Variants in MED13L observed in about 807,000 individuals in gnomAD.
The protein encoded by MED13L is mediator complex subunit 13L.
A neutral mutation model predicts 220.9 loss-of-function variants in MED13L; 7 were observed. The ratio of observed to expected loss-of-function variants is 0.03; its 90% CI spans 0.02 to 0.06. The LOEUF (loss-of-function observed/expected upper bound fraction) is 0.06. Ranked by LOEUF, MED13L falls within the 10% of genes least tolerant of loss-of-function variation. MED13L has a pLI of 1.00. For synonymous variants in MED13L, 1,011 were observed against 1,015.2 expected (o/e 1.00, Z 0.08); for missense variants, 1,965 against 2,760.5 (o/e 0.71, Z 6.46).
chr12:116,175,855 A>G (rs867353109), intron 2 of MED13L, among the ~76,000 whole-genome samples: 2 of 152,232 alleles, frequency 1.3e-5, no homozygotes, highest in African/African-American at 4.8e-5. Flanking sequence ...TAATAATAAT[A>G]GGAGGGTCAT....
intron 1 of MED13L, among the ~76,000 whole-genome samples, chr12:116,268,584 GA>G (rs773753458): frequency 6.0e-5 from 9 of 150,686 alleles, no homozygotes; most frequent in Non-Finnish European, 1.0e-4. Flanking sequence ...CCAGGAGTTT[GA>G]AACCGCCTGA....
At chr12:116,006,268 G>T (rs764482692) in intron 12 of MED13L, 38 bp downstream of exon 12, 18 of 1,557,480 alleles carry the variant, frequency 1.2e-5, no homozygotes, top group Non-Finnish European at 1.5e-5. Context: ...TTTCATTTTA[G>T]CAACAATCCA....
chr12:116,240,734 T>G (rs1593199523), intron 1 of MED13L, among the ~76,000 whole-genome samples: 3 of 145,994 alleles, frequency 2.1e-5, no homozygotes, highest in East Asian at 2.1e-4. Context: ...GACGGGGGGG[T>G]TTCACTGTGG....
At position 116,197,920 on chromosome 12, in the gene MED13L, G is replaced by A. The variant is rs563114160; in HGVS notation, c.310+39548C>T. Among the ~76,000 whole-genome samples the A allele has an allele frequency of 3.3e-5, 5 of 152,050 alleles. No homozygotes were observed. In the South Asian group the frequency reaches 1.0e-3, roughly 32 times the overall value. On this transcript the variant is annotated intron_variant, in intron 2 of 30. Coordinates refer to ENST00000281928, the MANE Select transcript of MED13L (RefSeq NM_015335.5). ...CACCCAGCAATCCATTTCTTTTGTA[G>A]AAAGCCAAAAGAATTTTAACATGTT... is the stretch of plus-strand genomic sequence containing the variant.
chr12:116,247,226 T>C (rs1871176454), intron 1 of MED13L, among the ~76,000 whole-genome samples: 1 of 150,726 alleles, frequency 6.6e-6, no homozygotes, highest in African/African-American at 2.4e-5. Flanking sequence ...TAAGAGTATA[T>C]AGCTCTGCTT....
chr12:116,212,109 A>G (rs753056902), intron 2 of MED13L, among the ~76,000 whole-genome samples: 1 of 152,166 alleles, frequency 6.6e-6, no homozygotes, highest in Non-Finnish European at 1.5e-5. Context: ...GAAAACTGCA[A>G]AAGTGAAATA....
chr12:116,161,598 C>A (rs1357630697), intron 2 of MED13L, among the ~76,000 whole-genome samples: 1 of 152,082 alleles, frequency 6.6e-6, no homozygotes, highest in Admixed American at 6.6e-5. Flanking sequence ...TCAAAGTGAG[C>A]CCACAAGCTA....
At chr12:115,965,950 G>A in intron 29 of MED13L, 132 bp downstream of exon 29, 1 of 1,157,594 alleles carries the variant, frequency 8.6e-7, no homozygotes, top group Admixed American at 1.9e-5. Context: ...TTTCCTCAGA[G>A]TATAAGTAGA....
At chr12:115,965,625 T>C (rs1389263825) in intron 29 of MED13L, among the ~76,000 whole-genome samples, 4 of 152,172 alleles carry the variant, frequency 2.6e-5, no homozygotes, top group African/African-American at 9.7e-5. Context: ...TTCCAAGAAA[T>C]ATAAAGGAAG....
chr12:115,980,938 T>C lies in MED13L; in HGVS notation c.5176A>G (p.Ile1726Val), dbSNP rs140835810. The C allele has an allele frequency of 4.3e-6, 7 of 1,609,334 alleles. No homozygotes were observed. Among genetic ancestry groups the C allele is most frequent in the East Asian group, 4.5e-5 (2 of 44,798 alleles). Residue 1726 changes from isoleucine to valine, a missense_variant and splice_region_variant, in exon 23 of 31, where the codon ATT (isoleucine) becomes GTT (valine). Transcript: ENST00000281928. ...EHMRNSFILQ[I>V]VPCQYMLQTM... ...TGCAGCATGTACTGGCAAGGCACAA[T>C]CTAAAGACACAAATACAAAAAAAAA...
chr12:115,987,414 A>AT, intron 17 of MED13L, 126 bp from the exon 18 acceptor site: 1 of 876,320 alleles, frequency 1.1e-6, no homozygotes, highest in South Asian at 1.5e-5. Context: ...ATTCTAAAAT[A>AT]TTTGACTTAG....
chr12:116,075,578 C>G (rs921322549), intron 4 of MED13L, among the ~76,000 whole-genome samples: 1 of 152,212 alleles, frequency 6.6e-6, no homozygotes, highest in African/African-American at 2.4e-5. Context: ...AAATGCTAGT[C>G]CTGACTTACA....
At chr12:116,058,645 C>A (rs1026677432) in intron 4 of MED13L, among the ~76,000 whole-genome samples, 1 of 152,186 alleles carries the variant, frequency 6.6e-6, no homozygotes, top group Admixed American at 6.5e-5. Flanking sequence ...ACCTTTCTTG[C>A]AGAGATAAGT....
Position 116,008,509 on chromosome 12 carries a change from C to T in MED13L, c.1904G>A (p.Ser635Asn), listed in dbSNP as rs144457722. 385 of 1,613,902 alleles carry T rather than the reference C, an allele frequency of 2.4e-4. 1 individual carries two copies. In the African/African-American group the frequency reaches 4.5e-3, roughly 19 times the overall value. Reference sequence around the variant, plus strand: ...ATCATCACTGGGTGGGAGACGATAACTATGCCACCACTTTTCTGATGACTC... The same window carrying T: ...ATCATCACTGGGTGGGAGACGATAATTATGCCACCACTTTTCTGATGACTC... ...NPESSEKWWH[S>N]YRLPPSDDAE... The change falls in exon 10 of 31, where the codon AGT becomes AAT. Residue 635 changes from serine to asparagine, a missense_variant. Ser to Asn is a conservative substitution (Grantham distance 46). This residue lies in a region of MED13L where 818 missense variants were observed against 1,041.2 expected (regional missense o/e 0.79). Transcript: ENST00000281928.
At position 116,194,026 on chromosome 12, in the gene MED13L, A is replaced by G. The variant is rs1421581987; in HGVS notation, c.310+43442T>C. On this transcript the variant is annotated intron_variant, in intron 2 of 30. Coordinates refer to ENST00000281928, the MANE Select transcript of MED13L (RefSeq NM_015335.5). ...ATTTACAAAACTTTACCAGAACCTA[A>G]ATAAGTTTACTCAATCAGAATATTT... 3.3e-5 allele frequency among the ~76,000 whole-genome samples: 5 copies of G among 152,322 alleles called. No homozygotes were observed. In the East Asian group the frequency reaches 7.7e-4, roughly 23 times the overall value.
chr12:116,206,074 CT>C (rs1160337465), intron 2 of MED13L, among the ~76,000 whole-genome samples: 645 of 87,204 alleles, frequency 7.4e-3, no homozygotes, highest in African/African-American at 0.02. Context: ...GTATTATTAC[CT>C]TTTTTTTTTT....
intron 7 of MED13L, among the ~76,000 whole-genome samples, 166 bp downstream of exon 7, chr12:116,019,056 TTC>T (rs1444104424): frequency 3.9e-5 from 6 of 152,164 alleles, no homozygotes; most frequent in Non-Finnish European, 7.4e-5. Flanking sequence ...AGTGTATGAA[TTC>T]TGTTTGTTTA....
chr12:116,119,675 C>T (rs1161902815), intron 2 of MED13L, among the ~76,000 whole-genome samples: 9 of 151,164 alleles, frequency 6.0e-5, no homozygotes, highest in Admixed American at 3.3e-4. Context: ...TTTGGTGGCA[C>T]GGGCCTGCAG....
intron 2 of MED13L, among the ~76,000 whole-genome samples, chr12:116,163,838 T>C (rs879758481): frequency 3.3e-5 from 5 of 152,166 alleles, no homozygotes; most frequent in Non-Finnish European, 7.4e-5. Context: ...CCCAGTAATA[T>C]CTTCAAATTG....
Sources: gnomAD v4.1 joint callset for allele counts (sites outside exome capture counted in the v4.1 genomes callset) on GRCh38, gnomAD v4.1.1 for gene constraint, gnomAD v4.1.1 regional missense constraint, MANE v1.5 for transcripts, NCBI Gene and HGNC (gene_info 2026-07-23, HGNC 2026-07-21) for gene names.